Variants in HTR3E observed in about 807,000 individuals in gnomAD.
HTR3E encodes the protein 5-hydroxytryptamine (serotonin) receptor 3, family member E.
Under a neutral mutation model 38.0 loss-of-function variants are expected in HTR3E, and 38 were observed. The observed-to-expected ratio is 1.00, with a 90% CI of 0.77 to 1.31. The LOEUF is 1.31. Ranked by LOEUF, HTR3E falls within the 50% of genes most tolerant of loss-of-function variation. HTR3E has a pLI of 0.00. For missense variants in HTR3E, 547 were observed against 585.2 expected (o/e 0.93, Z 0.67); for synonymous variants, 210 against 232.9 (o/e 0.90, Z 0.89).
In HTR3E at chr3:184,100,492, C is replaced by A; in HGVS notation, c.75C>A (p.Gly25=). Reference sequence around the variant, plus strand: ...ATTCGATGTCCACTACAGGAAGGGGCGTTACTTTCACCATCAATTGCTCAG... The same window carrying A: ...ATTCGATGTCCACTACAGGAAGGGGAGTTACTTTCACCATCAATTGCTCAG... The part of the protein sequence containing the change: ...LLLGFLLQGR[G]VTFTINCSGF... The change falls in exon 2 of 9, where the codon GGC becomes GGA. Residue 25 remains glycine, a synonymous_variant. Transcript: ENST00000415389. 6.2e-7 allele frequency: 1 copy of A among 1,614,136 alleles called. No individual in the cohort carries two copies. The highest frequency in any genetic ancestry group is 8.5e-7 in the Non-Finnish European group (1 of 1,180,034).
chr3:184,100,324 A>T, intron 1 of HTR3E, 161 bp from the exon 2 acceptor site: 1 of 1,556,700 alleles, frequency 6.4e-7, no homozygotes, highest in Non-Finnish European at 8.8e-7. Context: ...GAGGTAATCC[A>T]TTTTTAAAGG....
Position 184,105,979 on chromosome 3 carries a change from C to T in HTR3E, c.925+10C>T. On this transcript the variant is annotated intron_variant, in intron 7 of 8. Transcript: ENST00000415389. ...GGCACCCCCCTCATCGGTATGGCTC[C>T]TCCCACCTTTTGGAAGAGAAGGGTG... The T allele has an allele frequency of 6.2e-7, 1 of 1,614,028 alleles. No individual in the cohort carries two copies.
rs1355669377 is a variant in HTR3E, at chr3:184,106,706, C to A, written c.*13C>A. ...CTGGAACACCTAGGCAGGTGCTCAC[C>A]TGCCAACTTCAGTCTGGAGCTTCTC... is the stretch of plus-strand genomic sequence containing the variant. On this transcript the variant is annotated 3_prime_UTR_variant, in exon 9 of 9. Transcript: ENST00000415389. This position sits in a 1 kb window ranked among gnomAD's most constrained non-coding sequence, Gnocchi z 4.1. 5 of 1,613,192 alleles carry A rather than the reference C, an allele frequency of 3.1e-6. No homozygotes were observed. The highest frequency in any genetic ancestry group is 4.2e-6 in the Non-Finnish European group (5 of 1,179,466).
Position 184,106,018 on chromosome 3 carries a change from G to C in HTR3E, c.925+49G>C. ...AAGAGAAGGGTGGGAACTAACTCAG[G>C]AAGGGAGGTATTTTGGAAAAAGGAG... is the stretch of plus-strand genomic sequence containing the variant. On this transcript the variant is annotated intron_variant, in intron 7 of 8. Transcript: ENST00000415389. This position sits in a 1 kb window ranked among gnomAD's most constrained non-coding sequence, Gnocchi z 4.1. 1 of 1,611,896 alleles carries C rather than the reference G, an allele frequency of 6.2e-7. No individual in the cohort carries two copies. The highest frequency in any genetic ancestry group is 1.1e-5 in the South Asian group (1 of 91,020).
chr3:184,106,080 A>C lies in HTR3E; in HGVS notation c.926-48A>C. 6.2e-7 allele frequency: 1 copy of C among 1,612,524 alleles called. No homozygotes were observed. The highest frequency in any genetic ancestry group is 1.1e-5 in the South Asian group (1 of 91,020). ...GCCAGGGTGGGATTGGAAGAGAAGA[A>C]ATTCTAGGTGGTGCCTCTGGCCCTC... On this transcript the variant is annotated intron_variant, in intron 7 of 8. Transcript: ENST00000415389. The surrounding 1 kb of genome is among the most constrained non-coding windows in gnomAD (Gnocchi z 4.1).
At chr3:184,104,716 CAAA>C (rs66667882) in intron 4 of HTR3E, 68 bp from the exon 5 acceptor site, 142,855 of 823,142 alleles carry the variant, frequency 0.17, 2,559 homozygotes, top group Middle Eastern at 0.21. Context: ...GATCCTGTCT[CAAA>C]AAAAAAAAAA....
At chr3:184,099,276 G>A (rs1402068711) in intron 1 of HTR3E, among the ~76,000 whole-genome samples, 1 of 151,726 alleles carries the variant, frequency 6.6e-6, no homozygotes, top group African/African-American at 2.4e-5. Flanking sequence ...GGGAACGCCT[G>A]TAGTCACAGT....
intron 6 of HTR3E, 28 bp from the exon 7 acceptor site, chr3:184,105,737 T>A (rs1712385888): frequency 1.3e-6 from 2 of 1,567,192 alleles, no homozygotes; most frequent in East Asian, 4.5e-5. Flanking sequence ...ACCCCATAAC[T>A]ACTTACCACC....
At chr3:184,104,716 C>CAA (rs66667882) in intron 4 of HTR3E, 71 bp from the exon 5 acceptor site, 2,715 of 834,512 alleles carry the variant, frequency 3.3e-3, no homozygotes, top group East Asian at 8.5e-3. Context: ...GATCCTGTCT[C>CAA]AAAAAAAAAA....
At position 184,105,967 on chromosome 3, in the gene HTR3E, T is replaced by C. The variant is rs148605702; in HGVS notation, c.923T>C (p.Ile308Thr). 17 of 1,613,902 alleles carry C rather than the reference T, an allele frequency of 1.1e-5. No individual in the cohort carries two copies. Among genetic ancestry groups the C allele is most frequent in the Middle Eastern group, 1.6e-4 (1 of 6,084 alleles). The change falls in exon 7 of 9, where the codon ATC becomes ACC. Residue 308 changes from isoleucine to threonine, a missense_variant and splice_region_variant. By Grantham distance (89) the Ile-to-Thr change is moderately conservative (BLOSUM62 -1). Coordinates refer to ENST00000415389, the MANE Select transcript of HTR3E (RefSeq NM_001256613.2). ...DLLPTSGTPLIGVYFALCLSL... is the reference protein window; with the variant it reads ...DLLPTSGTPLTGVYFALCLSL... ...CTCCCCACCAGTGGCACCCCCCTCA[T>C]CGGTATGGCTCCTCCCACCTTTTGG...
intron 4 of HTR3E, 66 bp from the exon 5 acceptor site, chr3:184,104,721 A>T: frequency 1.5e-6 from 1 of 659,518 alleles, no homozygotes. Context: ...TGTCTCAAAA[A>T]AAAAAAAAAA....
Position 184,105,430 on chromosome 3 carries a change from G to C in HTR3E, c.720+3G>C. On this transcript the variant is annotated splice_donor_region_variant and intron_variant, in intron 6 of 8. Transcript: ENST00000415389. ...TGTATGATCAGATCGTGTTCTATGT[G>C]AGCTTGGAGGCTCTTACTCTTTCCT... The C allele has an allele frequency of 6.3e-7, 1 of 1,597,358 alleles. No homozygotes were observed. The highest frequency in any genetic ancestry group is 8.5e-7 in the Non-Finnish European group (1 of 1,173,166).
rs574103407 is a variant in HTR3E at position 184,099,223 on chromosome 3, C to T, written c.68-1262C>T. Among the ~76,000 whole-genome samples, 245 of 151,642 alleles carry T rather than the reference C, an allele frequency of 1.6e-3. 2 individuals carry two copies. The highest frequency in any genetic ancestry group is 5.9e-3 in the African/African-American group (243 of 41,316). ...AGCCTGGGCAATATAGTGAGATCCC[C>T]GTCTCTACAAAAATTTTTTAAAAAA... On this transcript the variant is annotated intron_variant, in intron 1 of 8. Transcript: ENST00000415389.
At chr3:184,099,494 C>A (rs942060897) in intron 1 of HTR3E, among the ~76,000 whole-genome samples, 3 of 151,872 alleles carry the variant, frequency 2.0e-5, no homozygotes, top group Non-Finnish European at 4.4e-5. Flanking sequence ...GCGGGTGGAT[C>A]ATGAAGTCAG....
intron 1 of HTR3E, among the ~76,000 whole-genome samples, chr3:184,098,132 G>A (rs968935721): frequency 5.3e-5 from 8 of 152,322 alleles, no homozygotes; most frequent in Non-Finnish European, 8.8e-5. Context: ...AAGGCAGCAG[G>A]TCAAGGGTGA....
intron 1 of HTR3E, among the ~76,000 whole-genome samples, chr3:184,097,926 A>G (rs1481401928): frequency 1.3e-5 from 2 of 152,212 alleles, no homozygotes; most frequent in Non-Finnish European, 2.9e-5. Context: ...GGTACCCTAC[A>G]TGGAAGACAA....
intron 3 of HTR3E, among the ~76,000 whole-genome samples, chr3:184,102,430 C>G (rs1712103205): frequency 7.2e-6 from 1 of 138,098 alleles, no homozygotes; most frequent in South Asian, 2.2e-4. Flanking sequence ...TGCCACTGCA[C>G]TGTAGCCTGG....
Position 184,106,763 on chromosome 3 carries a change from T to C in HTR3E, c.*70T>C, listed in dbSNP as rs1577015991. On this transcript the variant is annotated 3_prime_UTR_variant, in exon 9 of 9. Transcript: ENST00000415389. This position sits in a 1 kb window ranked among gnomAD's most constrained non-coding sequence, Gnocchi z 4.1. Reference sequence around the variant, plus strand: ...CCAGGGACTGGCCAGGTCTCCCCCCTTTCCTGAGTACCAACTATCATATCC... The same window carrying C: ...CCAGGGACTGGCCAGGTCTCCCCCCCTTCCTGAGTACCAACTATCATATCC... The C allele has an allele frequency of 1.4e-6, 2 of 1,472,178 alleles. No individual in the cohort carries two copies. The highest frequency in any genetic ancestry group is 4.5e-5 in the East Asian group (2 of 44,210). 91.2% of individuals were successfully genotyped at this position (1,472,178 alleles called of 1,614,324 possible).
Position 184,106,703 on chromosome 3 carries a change from C to T in HTR3E, c.*10C>T, listed in dbSNP as rs1289650501. ...CCTCTGGAACACCTAGGCAGGTGCTCACCTGCCAACTTCAGTCTGGAGCTT... is the reference window on the plus strand; with the variant it reads ...CCTCTGGAACACCTAGGCAGGTGCTTACCTGCCAACTTCAGTCTGGAGCTT... On this transcript the variant is annotated 3_prime_UTR_variant, in exon 9 of 9. Coordinates refer to ENST00000415389, the MANE Select transcript of HTR3E (RefSeq NM_001256613.2). The surrounding 1 kb of genome is among the most constrained non-coding windows in gnomAD (Gnocchi z 4.1). 2 of 1,613,182 alleles carry T rather than the reference C, an allele frequency of 1.2e-6. No homozygotes were observed. Among genetic ancestry groups the T allele is most frequent in the Admixed American group, 3.3e-5 (2 of 59,942 alleles).
Sources: gnomAD v4.1 joint callset for allele counts (sites outside exome capture counted in the v4.1 genomes callset) on GRCh38, gnomAD v4.1.1 for gene constraint, Gnocchi (gnomAD v3.1) non-coding constraint, MANE v1.5 for transcripts, NCBI Gene and HGNC (gene_info 2026-07-23, HGNC 2026-07-21) for gene names.